Variants in PRKAG2 observed in about 807,000 individuals in gnomAD.
PRKAG2 encodes protein kinase AMP-activated non-catalytic subunit gamma 2.
In PRKAG2, 26 loss-of-function variants were observed where a neutral mutation model predicts 69.6. The ratio of observed to expected loss-of-function variants is 0.37; its 90% CI spans 0.27 to 0.52. PRKAG2 has a LOEUF of 0.52. PRKAG2 is among the 20% of genes least tolerant of loss of function. The pLI is 0.90. For missense variants in PRKAG2, 557 were observed against 740.0 expected (o/e 0.75, Z 2.87); for synonymous variants, 293 against 285.0 (o/e 1.03, Z -0.28).
intron 3 of PRKAG2, among the ~76,000 whole-genome samples, chr7:151,779,501 A>G (rs6955023): frequency 0.036 from 5,521 of 152,156 alleles, 361 homozygotes; most frequent in African/African-American, 0.13. Context: ...GAGCTTCAAG[A>G]CCTTCCCATG....
rs985772729 is a variant in PRKAG2 at position 151,692,249 on chromosome 7, T to C, written c.467-16612A>G. 5.3e-5 allele frequency among the ~76,000 whole-genome samples: 8 copies of C among 151,946 alleles called. No homozygotes were observed. In the East Asian group the frequency reaches 5.8e-4, roughly 11 times the overall value. On this transcript the variant is annotated intron_variant, in intron 3 of 15. Transcript: ENST00000287878. ...CCAAAAAACTGGTGCATCTATACAA[T>C]AGAACACTACTCAGTAATAAAAAGG...
rs986544580 is a variant in PRKAG2, at chr7:151,826,185, G to T, written c.115-39644C>A. ...GACTTCCAGTTCCACTTTTTTTTTT[G>T]TTGTTGTTTTTTTTTGACAGAGTCT... On this transcript the variant is annotated intron_variant, in intron 1 of 15. Transcript: ENST00000287878. 8.0e-4 allele frequency among the ~76,000 whole-genome samples: 120 copies of T among 149,104 alleles called. No homozygotes were observed. In the South Asian group the frequency reaches 0.013, roughly 16 times the overall value.
At chr7:151,665,747 C>A (rs1001249325) in intron 4 of PRKAG2, among the ~76,000 whole-genome samples, 12 of 152,140 alleles carry the variant, frequency 7.9e-5, no homozygotes, top group African/African-American at 2.9e-4. Context: ...AACATCAAGA[C>A]CTGATGAGGT....
In PRKAG2 at chr7:151,850,033, C is replaced by G. The variant is rs769464944; in HGVS notation, c.114+26474G>C. On this transcript the variant is annotated intron_variant, in intron 1 of 15. Transcript: ENST00000287878. The surrounding 1 kb of genome is among the most constrained non-coding windows in gnomAD (Gnocchi z 4.1). ...TTCCGGAGCGTGCTGTAGCTAGGCA[C>G]AGAGAGGCTCTGCTGGGCTGCAGGG... is the stretch of plus-strand genomic sequence containing the variant. Among the ~76,000 whole-genome samples the G allele has an allele frequency of 2.6e-5, 4 of 152,168 alleles. No individual in the cohort carries two copies. Among genetic ancestry groups the G allele is most frequent in the Non-Finnish European group, 5.9e-5 (4 of 68,042 alleles).
chr7:151,784,427 C>T (rs138604183), intron 2 of PRKAG2, among the ~76,000 whole-genome samples: 2 of 152,188 alleles, frequency 1.3e-5, no homozygotes, highest in Non-Finnish European at 2.9e-5. Context: ...GCCGAAGCAC[C>T]ATAAGCACCA....
intron 1 of PRKAG2, among the ~76,000 whole-genome samples, chr7:151,844,431 G>A (rs1023368461): frequency 6.6e-6 from 1 of 152,224 alleles, no homozygotes; most frequent in African/African-American, 2.4e-5. Flanking sequence ...GGTTTGGCGA[G>A]GCAGAGGTGG....
At chr7:151,792,956 GGA>G (rs2077334901) in intron 1 of PRKAG2, among the ~76,000 whole-genome samples, 1 of 152,218 alleles carries the variant, frequency 6.6e-6, no homozygotes, top group African/African-American at 2.4e-5. Flanking sequence ...GGGCTGAGCC[GGA>G]GCCCCAGCTC....
At chr7:151,688,665 G>T (rs1206752341) in intron 3 of PRKAG2, among the ~76,000 whole-genome samples, 1 of 152,140 alleles carries the variant, frequency 6.6e-6, no homozygotes, top group Non-Finnish European at 1.5e-5. Flanking sequence ...TGAAATTCCT[G>T]GTTGTTGACA....
chr7:151,675,548 G>A lies in PRKAG2; in HGVS notation c.556C>T (p.Arg186Trp), dbSNP rs200392688. 25 of 1,614,098 alleles carry A rather than the reference G, an allele frequency of 1.5e-5. No individual in the cohort carries two copies. Among genetic ancestry groups the A allele is most frequent in the Admixed American group, 5.0e-5 (3 of 60,032 alleles). ...PLESYKHEPE[R>W]LENRIYASSS... ...GAGGCATAGATGCGATTCTCTAACC[G>A]TTCAGGCTCGTGCTTATAGGATTCC... Residue 186 changes from arginine to tryptophan, a missense_variant, in exon 4 of 16, where the codon CGG (arginine) becomes TGG (tryptophan). Arg to Trp is a moderately radical substitution (Grantham distance 101). This residue lies in a region of PRKAG2 where 352 missense variants were observed against 356.7 expected (regional missense o/e 0.99). Coordinates refer to ENST00000287878, the MANE Select transcript of PRKAG2 (RefSeq NM_016203.4).
chr7:151,639,366 A>G (rs928952219), intron 4 of PRKAG2, among the ~76,000 whole-genome samples: 1 of 151,976 alleles, frequency 6.6e-6, no homozygotes, highest in Admixed American at 6.6e-5. Flanking sequence ...CAGAGTGCCT[A>G]TGATGGTTAA....
rs975730567 is a variant in PRKAG2 at position 151,736,415 on chromosome 7, A to G, written c.466+44737T>C. 1.7e-5 allele frequency: 17 copies of G among 980,140 alleles called. No homozygotes were observed. In the African/African-American group the frequency reaches 3.0e-4, roughly 17 times the overall value. 60.7% of individuals were successfully genotyped at this position (980,140 alleles called of 1,614,324 possible). On this transcript the variant is annotated intron_variant, in intron 3 of 15. Coordinates refer to ENST00000287878, the MANE Select transcript of PRKAG2 (RefSeq NM_016203.4). The stretch of plus-strand genomic sequence containing the variant: ...TTTTTTTTTTTTTCTCCTTAAAATT[A>G]AAAAAAGGAGGGAAGACCAGATAGG...
At chr7:151,722,721 C>A (rs1387841443) in intron 3 of PRKAG2, among the ~76,000 whole-genome samples, 4 of 152,110 alleles carry the variant, frequency 2.6e-5, no homozygotes, top group Non-Finnish European at 5.9e-5. Flanking sequence ...CGCCTCCCCA[C>A]CATCAGCCAA....
At chr7:151,773,233 GAAAGGAAAGAAAGAAGGAAAGAAAGA>G (rs1215356874) in intron 3 of PRKAG2, among the ~76,000 whole-genome samples, 1 of 149,226 alleles carries the variant, frequency 6.7e-6, no homozygotes, top group Admixed American at 6.7e-5. Flanking sequence ...GGAAAGAAAG[GAAAGGAAAGAAAGAAGGAAAGAAAGA>G]AAGAAAGAGA....
chr7:151,827,823 C>G (rs915046825), intron 1 of PRKAG2, among the ~76,000 whole-genome samples: 13 of 147,608 alleles, frequency 8.8e-5, no homozygotes, highest in Non-Finnish European at 1.5e-4. Flanking sequence ...CCAGAGCCTA[C>G]GTGCCTCCAA....
At chr7:151,799,979 G>C (rs752368948) in intron 1 of PRKAG2, among the ~76,000 whole-genome samples, 1 of 152,244 alleles carries the variant, frequency 6.6e-6, no homozygotes, top group Non-Finnish European at 1.5e-5. Context: ...TTTAATTCTT[G>C]TTTAAAAAGA....
At chr7:151,700,430 C>G (rs867445873) in intron 3 of PRKAG2, among the ~76,000 whole-genome samples, 1 of 152,088 alleles carries the variant, frequency 6.6e-6, no homozygotes, top group East Asian at 1.9e-4. Flanking sequence ...CTTCAGTGAC[C>G]GACAGACACG....
chr7:151,591,503 C>A (rs907767183), intron 6 of PRKAG2, among the ~76,000 whole-genome samples: 9 of 152,200 alleles, frequency 5.9e-5, no homozygotes, highest in Admixed American at 2.6e-4. Flanking sequence ...CCGGGGGTCT[C>A]ACACCCCAGA....
rs575123529 is a variant in PRKAG2, at chr7:151,721,864, T to C, written c.467-46227A>G. On this transcript the variant is annotated intron_variant, in intron 3 of 15. Transcript: ENST00000287878. ...TCCCATGGTGACTCTGTACAAACAC[T>C]ACACATACTCCTTGTCCTAGATTCT... Among the ~76,000 whole-genome samples the C allele has an allele frequency of 3.9e-5, 6 of 152,236 alleles. 1 individual carries two copies. In the South Asian group the frequency reaches 1.3e-3, roughly 32 times the overall value.
chr7:151,768,488 T>TA (rs2075855230), intron 3 of PRKAG2, among the ~76,000 whole-genome samples: 1 of 151,960 alleles, frequency 6.6e-6, no homozygotes, highest in African/African-American at 2.4e-5. Context: ...TTTCTGGAGA[T>TA]AGAGTCTCAC....
Sources: allele counts gnomAD v4.1 joint callset (sites outside exome capture counted in the v4.1 genomes callset), GRCh38; gene constraint gnomAD v4.1.1; regional missense constraint gnomAD v4.1.1; non-coding constraint Gnocchi (gnomAD v3.1); transcripts MANE v1.5; gene names NCBI Gene and HGNC (gene_info 2026-07-23, HGNC 2026-07-21).